The following SPMIP6 variants were observed in gnomAD, a reference collection of about 807,000 sequenced individuals.
SPMIP6 encodes the protein ciliated bronchial epithelial protein 1.
chr9:34,385,653 C>G, the SPMIP6 span: 62 of 1,613,260 alleles, frequency 3.8e-5, 1 homozygote, highest in Non-Finnish European at 5.2e-5. Context: ...CTTGAGAAAG[C>G]CAGTACTTCT....
At chr9:34,381,388 C>T in the SPMIP6 span, 3 of 1,614,178 alleles carry the variant, frequency 1.9e-6, no homozygotes, top group Non-Finnish European at 2.5e-6. This position sits in a 1 kb window ranked among gnomAD's most constrained non-coding sequence, Gnocchi z 4.4. Context: ...TGAGCCGCTC[C>T]GGCCTAGGAG....
At chr9:34,387,667 G>A in the SPMIP6 span, among the ~76,000 whole-genome samples, 32 of 152,250 alleles carry the variant, frequency 2.1e-4, no homozygotes, top group African/African-American at 6.5e-4. Context: ...CATAGACATC[G>A]TCAATTTTTC....
the SPMIP6 span, chr9:34,380,887 C>T: frequency 6.6e-7 from 1 of 1,514,010 alleles, no homozygotes; most frequent in Non-Finnish European, 8.8e-7. Context: ...GCGGGCGGAG[C>T]CCTGCGAACC....
At chr9:34,390,258 T>C in the SPMIP6 span, among the ~76,000 whole-genome samples, 1 of 152,190 alleles carries the variant, frequency 6.6e-6, no homozygotes, top group Non-Finnish European at 1.5e-5. Context: ...CAGAATAATG[T>C]TGGCTGTATA....
At chr9:34,391,028 T>G in the SPMIP6 span, among the ~76,000 whole-genome samples, 2 of 152,238 alleles carry the variant, frequency 1.3e-5, no homozygotes, top group Admixed American at 1.3e-4. Context: ...TTAAAACAAC[T>G]GTTCTTCGAG....
At chr9:34,379,575 T>A in the SPMIP6 span, 41 of 1,364,582 alleles carry the variant, frequency 3.0e-5, no homozygotes, top group South Asian at 4.1e-4. This position sits in a 1 kb window ranked among gnomAD's most constrained non-coding sequence, Gnocchi z 4.2. Context: ...CTACCAGACA[T>A]CCTCCCCCAG....
chr9:34,380,942 G>A, the SPMIP6 span: 1 of 1,602,702 alleles, frequency 6.2e-7, no homozygotes, highest in Non-Finnish European at 8.5e-7. Context: ...GCGGCGGTCG[G>A]TGCAGGGCGC....
chr9:34,379,736 GAGA>G, the SPMIP6 span: 1 of 1,612,752 alleles, frequency 6.2e-7, no homozygotes, highest in East Asian at 2.2e-5. The surrounding 1 kb of genome is among the most constrained non-coding windows in gnomAD (Gnocchi z 4.2). Flanking sequence ...TACACATCTG[GAGA>G]AGGAGGAAGC....
the SPMIP6 span, chr9:34,385,806 T>C: frequency 4.4e-6 from 7 of 1,605,122 alleles, no homozygotes; most frequent in South Asian, 2.2e-5. Flanking sequence ...AGGAGAGAAG[T>C]GGTTAGGGGC....
chr9:34,385,184 A>G, the SPMIP6 span, among the ~76,000 whole-genome samples: 9 of 151,588 alleles, frequency 5.9e-5, no homozygotes, highest in Non-Finnish European at 1.2e-4. Flanking sequence ...TGGTTGGTGG[A>G]GGGGGTGGTT....
the SPMIP6 span, among the ~76,000 whole-genome samples, chr9:34,391,956 A>G: frequency 6.6e-6 from 1 of 151,548 alleles, no homozygotes; most frequent in South Asian, 2.1e-4. Flanking sequence ...TAGTGTTACA[A>G]TCTAATATGG....
the SPMIP6 span, among the ~76,000 whole-genome samples, chr9:34,384,816 G>A: frequency 6.6e-5 from 10 of 152,224 alleles, no homozygotes; most frequent in Non-Finnish European, 1.5e-4. Flanking sequence ...AAAGGGTGAG[G>A]AAATAGAGAC....
chr9:34,379,124 G>A, the SPMIP6 span: 2 of 1,613,832 alleles, frequency 1.2e-6, no homozygotes, highest in South Asian at 2.2e-5. This position sits in a 1 kb window ranked among gnomAD's most constrained non-coding sequence, Gnocchi z 4.2. Flanking sequence ...ACTCAGGATG[G>A]ATAACATAGT....
the SPMIP6 span, among the ~76,000 whole-genome samples, chr9:34,384,519 G>C: frequency 2.0e-5 from 3 of 152,162 alleles, no homozygotes; most frequent in Non-Finnish European, 2.9e-5. Context: ...GCAATTCATT[G>C]GTCTAGGAGG....
chr9:34,385,770 A>G, the SPMIP6 span: 7 of 1,613,198 alleles, frequency 4.3e-6, no homozygotes, highest in Non-Finnish European at 5.9e-6. Context: ...GCTCCATGGT[A>G]TGAGTCAGAC....
chr9:34,379,785 T>TC, the SPMIP6 span: 1 of 1,434,814 alleles, frequency 7.0e-7, no homozygotes, highest in South Asian at 1.2e-5. This position sits in a 1 kb window ranked among gnomAD's most constrained non-coding sequence, Gnocchi z 4.2. Flanking sequence ...TTGACTCTCA[T>TC]CCCCCGATTT....
chr9:34,392,339 C>G, the SPMIP6 span, among the ~76,000 whole-genome samples: 4 of 152,158 alleles, frequency 2.6e-5, no homozygotes, highest in Non-Finnish European at 5.9e-5. The surrounding 1 kb of genome is among the most constrained non-coding windows in gnomAD (Gnocchi z 4.6). Context: ...GCTAGAATTA[C>G]AGGTCCTTCT....
the SPMIP6 span, among the ~76,000 whole-genome samples, chr9:34,395,178 G>A: frequency 6.6e-6 from 1 of 152,054 alleles, no homozygotes; most frequent in African/African-American, 2.4e-5. Flanking sequence ...GCCCAGGCTG[G>A]TCTTGAACTC....
the SPMIP6 span, among the ~76,000 whole-genome samples, chr9:34,383,056 C>T: frequency 6.6e-6 from 1 of 152,206 alleles, no homozygotes; most frequent in Non-Finnish European, 1.5e-5. Context: ...AGCCCATGTC[C>T]CATCTAAGGC....
Sources: allele counts gnomAD v4.1 joint callset (sites outside exome capture counted in the v4.1 genomes callset), GRCh38; gene constraint gnomAD v4.1.1; non-coding constraint Gnocchi (gnomAD v3.1); transcripts MANE v1.5; gene names NCBI Gene and HGNC (gene_info 2026-07-23, HGNC 2026-07-21).